GTF2F2: variants seen among roughly 807,000 people sequenced by gnomAD.
GTF2F2 encodes the protein general transcription factor IIF subunit 2, also known as ATP-dependent helicase GTF2F2.
A neutral mutation model predicts 42.2 loss-of-function variants in GTF2F2; 23 were observed. That is an observed-to-expected ratio of 0.55 (90% CI 0.39 to 0.77). The LOEUF (loss-of-function observed/expected upper bound fraction) is 0.77, where lower values mean the gene tolerates loss of function less well. Ranked by LOEUF, GTF2F2 falls within the 30% of genes least tolerant of loss-of-function variation. GTF2F2 has a pLI of 0.00. For missense variants in GTF2F2, 261 were observed against 287.2 expected, an observed-to-expected ratio of 0.91 and a Z score of 0.66; for synonymous variants, 105 against 100.8, an observed-to-expected ratio of 1.04 and a Z score of -0.25.
chr13:45,204,299 C>T (rs566278634), intron 4 of GTF2F2, among the ~76,000 whole-genome samples: 55 of 152,288 alleles, frequency 3.6e-4, no homozygotes, highest in South Asian at 1.0e-3. Context: ...AGAAAGTCTA[C>T]GCTCCTTGAG....
intron 4 of GTF2F2, among the ~76,000 whole-genome samples, chr13:45,168,495 T>A (rs1323056274): frequency 1.3e-4 from 20 of 152,228 alleles, no homozygotes; most frequent in Admixed American, 1.3e-3. Flanking sequence ...TAAGCAACAG[T>A]TGTCCTTAGT....
intron 6 of GTF2F2, among the ~76,000 whole-genome samples, chr13:45,257,263 C>T (rs1009614130): frequency 3.3e-5 from 5 of 152,110 alleles, no homozygotes; most frequent in Admixed American, 6.5e-5. Flanking sequence ...CCATTGAAAT[C>T]GCACCCCTGA....
intron 5 of GTF2F2, among the ~76,000 whole-genome samples, chr13:45,238,524 T>A (rs1012809395): frequency 6.6e-6 from 1 of 152,142 alleles, no homozygotes; most frequent in Admixed American, 6.5e-5. Flanking sequence ...CTCCCCTCCC[T>A]CTTCCCACTC....
intron 4 of GTF2F2, among the ~76,000 whole-genome samples, chr13:45,191,153 C>T (rs374710102): frequency 0.011 from 1,540 of 143,480 alleles, 27 homozygotes; most frequent in African/African-American, 0.034. Flanking sequence ...GGGTGGATCA[C>T]GAGGTCAGGA....
At chr13:45,153,604 G>T (rs1870607545) in intron 4 of GTF2F2, among the ~76,000 whole-genome samples, 1 of 152,118 alleles carries the variant, frequency 6.6e-6, no homozygotes, top group South Asian at 2.1e-4. Flanking sequence ...GTGCTACATA[G>T]TTCAGGGCAT....
At chr13:45,264,247 ATT>A (rs35779192) in intron 6 of GTF2F2, among the ~76,000 whole-genome samples, 2 of 148,448 alleles carry the variant, frequency 1.3e-5, no homozygotes, top group African/African-American at 4.9e-5. Flanking sequence ...GTAAACCAAG[ATT>A]TTTTTTTTAT....
At position 45,229,011 on chromosome 13, in the gene GTF2F2, A is replaced by C. The variant is rs560164734; in HGVS notation, c.386+21506A>C. On this transcript the variant is annotated intron_variant, in intron 5 of 7. Transcript: ENST00000340473. Reference sequence around the variant, plus strand: ...TGAACCCTGCCTCAGCCTCTCGAGTAGCTGAGATTACAGGTGCCTGCCACC... The same window carrying C: ...TGAACCCTGCCTCAGCCTCTCGAGTCGCTGAGATTACAGGTGCCTGCCACC... Among the ~76,000 whole-genome samples, 16 of 152,040 alleles carry C rather than the reference A, an allele frequency of 1.1e-4. No individual in the cohort carries two copies. The South Asian group carries it at 3.1e-3, about 30-fold the overall frequency.
chr13:45,167,901 G>A (rs1399320795), intron 4 of GTF2F2, among the ~76,000 whole-genome samples: 1 of 152,084 alleles, frequency 6.6e-6, no homozygotes, highest in Non-Finnish European at 1.5e-5. Context: ...ATATTTTATG[G>A]TTGAAAGTTG....
chr13:45,276,742 A>T (rs1438720680), intron 7 of GTF2F2, among the ~76,000 whole-genome samples: 1 of 152,188 alleles, frequency 6.6e-6, no homozygotes, highest in Non-Finnish European at 1.5e-5. Flanking sequence ...CGCCCGGCCT[A>T]ATACAGTTTA....
chr13:45,280,289 G>A (rs372741676), intron 7 of GTF2F2, among the ~76,000 whole-genome samples: 7 of 152,306 alleles, frequency 4.6e-5, no homozygotes, highest in African/African-American at 1.7e-4. Flanking sequence ...TAGCCCAAAC[G>A]GGGAAGTCAT....
chr13:45,150,013 G>A (rs967403317), intron 3 of GTF2F2, among the ~76,000 whole-genome samples: 4 of 151,972 alleles, frequency 2.6e-5, no homozygotes, highest in Non-Finnish European at 2.9e-5. Context: ...CCCCTCTCTT[G>A]GTACCATGAA....
chr13:45,197,341 TAA>T (rs67534725), intron 4 of GTF2F2, among the ~76,000 whole-genome samples: 51 of 137,096 alleles, frequency 3.7e-4, no homozygotes, highest in Non-Finnish European at 4.6e-4. Flanking sequence ...TACCAAAAAT[TAA>T]AAAAAAAAAA....
At chr13:45,213,199 C>T (rs1873763625) in intron 5 of GTF2F2, among the ~76,000 whole-genome samples, 1 of 152,076 alleles carries the variant, frequency 6.6e-6, no homozygotes, top group Non-Finnish European at 1.5e-5. Flanking sequence ...CTGCCTCAGC[C>T]TCCCGAGTAG....
chr13:45,250,932 G>A (rs1236000019), intron 5 of GTF2F2, among the ~76,000 whole-genome samples: 1 of 152,180 alleles, frequency 6.6e-6, no homozygotes, highest in East Asian at 1.9e-4. Context: ...TATTATTTAT[G>A]GTTACATATC....
intron 4 of GTF2F2, among the ~76,000 whole-genome samples, chr13:45,184,973 A>G (rs1489138786): frequency 6.6e-6 from 1 of 151,990 alleles, no homozygotes; most frequent in Non-Finnish European, 1.5e-5. Context: ...CACCACGCCC[A>G]ACTGTTTTTG....
At chr13:45,275,530 C>T (rs1876997823) in intron 7 of GTF2F2, among the ~76,000 whole-genome samples, 1 of 147,678 alleles carries the variant, frequency 6.8e-6, no homozygotes, top group Admixed American at 7.0e-5. Flanking sequence ...TCAATTCCCA[C>T]CTATGAGTGA....
intron 1 of GTF2F2, among the ~76,000 whole-genome samples, chr13:45,134,977 A>G (rs1293855665): frequency 2.0e-5 from 3 of 151,110 alleles, no homozygotes; most frequent in African/African-American, 7.3e-5. Flanking sequence ...TTTTGACACA[A>G]GAGTCTCTCT....
intron 4 of GTF2F2, 139 bp from the exon 5 acceptor site, chr13:45,207,285 A>AT (rs1873454749): frequency 1.7e-6 from 1 of 598,716 alleles, no homozygotes; most frequent in Non-Finnish European, 2.9e-6. Flanking sequence ...GACCAGTGAG[A>AT]TTCCTGAAAC....
intron 4 of GTF2F2, among the ~76,000 whole-genome samples, chr13:45,165,646 T>G (rs1871258833): frequency 6.7e-6 from 1 of 149,732 alleles, no homozygotes; most frequent in Non-Finnish European, 1.5e-5. Flanking sequence ...AATAGTACAG[T>G]GAACTTCCAT....
Sources: gnomAD v4.1 joint callset for allele counts (sites outside exome capture counted in the v4.1 genomes callset) on GRCh38, gnomAD v4.1.1 for gene constraint, MANE v1.5 for transcripts, NCBI Gene and HGNC (gene_info 2026-07-23, HGNC 2026-07-21) for gene names.